Variants in GRAMD1B observed in about 807,000 individuals in gnomAD.
The protein encoded by GRAMD1B is GRAM domain containing 1B, also known as protein Aster-B.
GRAMD1B carries 37 observed loss-of-function variants against 99.7 expected under a neutral mutation model. The observed-to-expected ratio is 0.37, with a 90% CI of 0.29 to 0.49. The LOEUF (loss-of-function observed/expected upper bound fraction) is 0.49. GRAMD1B is among the 20% of genes least tolerant of loss of function. GRAMD1B has a pLI of 0.98. For synonymous variants in GRAMD1B, 427 were observed against 387.6 expected, an observed-to-expected ratio of 1.10 and a Z score of -1.19; for missense variants, 888 against 1,009.2, an observed-to-expected ratio of 0.88 and a Z score of 1.63.
intron 2 of GRAMD1B, among the ~76,000 whole-genome samples, chr11:123,487,378 A>G (rs760687756): frequency 6.6e-5 from 10 of 152,124 alleles, no homozygotes; most frequent in Non-Finnish European, 1.5e-4. Flanking sequence ...AAGCCAGGGA[A>G]CAAGATGTAC....
intron 1 of GRAMD1B, among the ~76,000 whole-genome samples, chr11:123,447,970 T>C (rs575559562): frequency 2.0e-5 from 3 of 152,196 alleles, no homozygotes; most frequent in Non-Finnish European, 4.4e-5. Context: ...CTCATCTGTA[T>C]GTCCCTTCAG....
At chr11:123,364,068 T>C (rs1175273196) in intron 1 of GRAMD1B, among the ~76,000 whole-genome samples, 1 of 152,226 alleles carries the variant, frequency 6.6e-6, no homozygotes, top group African/African-American at 2.4e-5. Context: ...TGTTTGTGTT[T>C]AACAGGGTAT....
intron 1 of GRAMD1B, among the ~76,000 whole-genome samples, chr11:123,365,426 A>G (rs982821186): frequency 4.6e-5 from 7 of 151,958 alleles, no homozygotes; most frequent in Non-Finnish European, 8.8e-5. Context: ...TAATTTTTGT[A>G]TTTTTAGTAG....
intron 2 of GRAMD1B, among the ~76,000 whole-genome samples, chr11:123,556,009 C>T (rs1946142070): frequency 6.6e-6 from 1 of 152,206 alleles, no homozygotes; most frequent in South Asian, 2.1e-4. Context: ...GCTGGGATTA[C>T]AGGCATGAGC....
rs192925471 is a variant in GRAMD1B at position 123,534,719 on chromosome 11, G to A, written c.453-42648G>A. 3.7e-4 allele frequency among the ~76,000 whole-genome samples: 56 copies of A among 152,212 alleles called. 2 individuals carry two copies. In the East Asian group the frequency reaches 9.1e-3, roughly 25 times the overall value. Reference sequence around the variant, plus strand: ...CTCTACTAAAAATAAAAAAAAATTAGCTGGGCATGGTGGCAGGCGCCTGTA... The same window carrying A: ...CTCTACTAAAAATAAAAAAAAATTAACTGGGCATGGTGGCAGGCGCCTGTA... On this transcript the variant is annotated intron_variant, in intron 2 of 19. Transcript: ENST00000635736.
chr11:123,440,327 A>G (rs1250172828), intron 1 of GRAMD1B, among the ~76,000 whole-genome samples: 1 of 152,168 alleles, frequency 6.6e-6, no homozygotes, highest in Non-Finnish European at 1.5e-5. Context: ...CCTGGCCAAC[A>G]TGGTGAAACC....
At chr11:123,613,927 C>A (rs1384534641) in intron 16 of GRAMD1B, among the ~76,000 whole-genome samples, 1 of 152,138 alleles carries the variant, frequency 6.6e-6, no homozygotes, top group Admixed American at 6.5e-5. Context: ...TCCATGGCTA[C>A]CTGCATAGGC....
chr11:123,564,991 T>C (rs1163015845), intron 2 of GRAMD1B, among the ~76,000 whole-genome samples: 1 of 152,182 alleles, frequency 6.6e-6, no homozygotes, highest in East Asian at 1.9e-4. Context: ...TTGACTGAGA[T>C]TGTTAGAGGC....
intron 2 of GRAMD1B, among the ~76,000 whole-genome samples, chr11:123,547,125 T>C (rs895948624): frequency 1.8e-4 from 27 of 152,174 alleles, no homozygotes; most frequent in Non-Finnish European, 2.9e-5. Context: ...ACAGAGGCAA[T>C]ACCTGCTTTG....
chr11:123,552,391 C>T (rs1945714008), intron 2 of GRAMD1B, among the ~76,000 whole-genome samples: 1 of 151,140 alleles, frequency 6.6e-6, no homozygotes, highest in Admixed American at 6.6e-5. Flanking sequence ...GCTCCTGCCT[C>T]AGCCTCCCCA....
intron 1 of GRAMD1B, among the ~76,000 whole-genome samples, chr11:123,425,263 T>G (rs1210580955): frequency 6.6e-6 from 1 of 152,174 alleles, no homozygotes; most frequent in Non-Finnish European, 1.5e-5. Context: ...TGATGATATT[T>G]TGCAATGCTT....
chr11:123,404,519 C>T, intron 1 of GRAMD1B, among the ~76,000 whole-genome samples: 1 of 152,156 alleles, frequency 6.6e-6, no homozygotes, highest in East Asian at 1.9e-4. Flanking sequence ...AATCTAATCT[C>T]ACATTTTAAA....
chr11:123,477,310 T>C (rs1951335335), intron 1 of GRAMD1B, among the ~76,000 whole-genome samples: 1 of 99,116 alleles, frequency 1.0e-5, no homozygotes, highest in African/African-American at 3.9e-5. Context: ...CTCCCTTCCC[T>C]CCCCTCTCCT....
chr11:123,534,984 A>G (rs974861092), intron 2 of GRAMD1B, among the ~76,000 whole-genome samples: 1 of 152,320 alleles, frequency 6.6e-6, no homozygotes, highest in Non-Finnish European at 1.5e-5. Flanking sequence ...GGACAGGGAT[A>G]TGTGGCCATG....
rs761536737 is a variant in GRAMD1B, at chr11:123,623,325, C to T, written c.*730C>T. ...GCTGGGAATTTCTTACTTTCCCACC[C>T]GCTTTCTCTCTGGTCTTCTCCCAGG... On this transcript the variant is annotated 3_prime_UTR_variant, in exon 20 of 20. Transcript: ENST00000635736. 3 of 152,200 alleles carry T rather than the reference C, an allele frequency of 2.0e-5. No individual in the cohort carries two copies. Among genetic ancestry groups the T allele is most frequent in the South Asian group, 2.1e-4 (1 of 4,822 alleles). The allele number at this position is 152,200 out of a possible 1,614,324, so 9.4% of individuals were successfully genotyped here.
At chr11:123,584,167 C>T (rs769785999) in intron 3 of GRAMD1B, 145 bp from the exon 4 acceptor site, 112 of 560,444 alleles carry the variant, frequency 2.0e-4, no homozygotes, top group Non-Finnish European at 3.1e-4. Flanking sequence ...AGGACCCCTC[C>T]TGAGCAACCA....
chr11:123,582,044 A>T (rs926168575), intron 3 of GRAMD1B, among the ~76,000 whole-genome samples: 1 of 152,132 alleles, frequency 6.6e-6, no homozygotes, highest in Non-Finnish European at 1.5e-5. Context: ...AGCTTGGGAG[A>T]TGGTTTCTCC....
At chr11:123,621,790 A>G (rs1955139489) in intron 19 of GRAMD1B, among the ~76,000 whole-genome samples, 1 of 152,324 alleles carries the variant, frequency 6.6e-6, no homozygotes, top group African/African-American at 2.4e-5. Context: ...GAACACTTCA[A>G]GAGAGTTCTT....
At chr11:123,421,300 G>A (rs1048830667) in intron 1 of GRAMD1B, among the ~76,000 whole-genome samples, 1 of 152,204 alleles carries the variant, frequency 6.6e-6, no homozygotes, top group Non-Finnish European at 1.5e-5. Context: ...GGGCTTATGA[G>A]GGAATTAGAT....
Sources: allele counts gnomAD v4.1 joint callset (sites outside exome capture counted in the v4.1 genomes callset), GRCh38; gene constraint gnomAD v4.1.1; transcripts MANE v1.5; gene names NCBI Gene and HGNC (gene_info 2026-07-23, HGNC 2026-07-21).